Variants in SLC24A5 observed in about 807,000 individuals in gnomAD.
SLC24A5 encodes the protein solute carrier family 24 member 5.
Under a neutral mutation model 51.6 loss-of-function variants are expected in SLC24A5, and 46 were observed. The observed-to-expected ratio is 0.89, with a 90% CI of 0.70 to 1.14. The LOEUF is 1.14. SLC24A5 is among the 50% of genes most tolerant of loss of function. SLC24A5 has a pLI of 0.00. For missense variants in SLC24A5, 581 were observed against 604.1 expected, an observed-to-expected ratio of 0.96 and a Z score of 0.40; for synonymous variants, 230 against 214.9, an observed-to-expected ratio of 1.07 and a Z score of -0.62.
intron 6 of SLC24A5, 95 bp from the exon 7 acceptor site, chr15:48,138,874 C>T: frequency 1.1e-6 from 1 of 897,540 alleles, no homozygotes; most frequent in Non-Finnish European, 1.7e-6. Flanking sequence ...AAAACTGATA[C>T]AGCTAATTTA....
At chr15:48,126,090 T>C (rs1354892204) in intron 2 of SLC24A5, among the ~76,000 whole-genome samples, 5 of 152,166 alleles carry the variant, frequency 3.3e-5, no homozygotes, top group Non-Finnish European at 5.9e-5. Flanking sequence ...CTCTTTCTCT[T>C]TTGGACCTAT....
intron 4 of SLC24A5, 81 bp from the exon 5 acceptor site, chr15:48,134,803 A>G: frequency 9.0e-7 from 1 of 1,108,766 alleles, no homozygotes; most frequent in South Asian, 1.5e-5. Context: ...CTACAAATAT[A>G]TAAACAATTT....
chr15:48,132,593 C>A (rs907371946), intron 2 of SLC24A5, among the ~76,000 whole-genome samples: 1 of 152,066 alleles, frequency 6.6e-6, no homozygotes, highest in Non-Finnish European at 1.5e-5. Context: ...ATTACTTTCA[C>A]GGTTTTGGGT....
intron 7 of SLC24A5, chr15:48,140,836 G>A (rs534327604): frequency 1.5e-5 from 5 of 325,288 alleles, no homozygotes; most frequent in Non-Finnish European, 2.9e-5. Context: ...AACATCTTTT[G>A]TAAGAATATC....
At chr15:48,133,650 T>G (rs776803275) in intron 2 of SLC24A5, among the ~76,000 whole-genome samples, 1 of 152,104 alleles carries the variant, frequency 6.6e-6, no homozygotes. Context: ...AAACTGCAAA[T>G]TTTTTTAGAA....
intron 2 of SLC24A5, among the ~76,000 whole-genome samples, chr15:48,127,716 G>C (rs1013616597): frequency 6.6e-6 from 1 of 152,088 alleles, no homozygotes; most frequent in Non-Finnish European, 1.5e-5. Context: ...CCAGCTCCTC[G>C]GGAGGCTGAG....
In SLC24A5 at chr15:48,142,389, G is replaced by A. The variant is rs768018981; in HGVS notation, c.*38G>A. 55 of 1,321,156 alleles carry A rather than the reference G, an allele frequency of 4.2e-5. No individual in the cohort carries two copies. Among genetic ancestry groups the A allele is most frequent in the Non-Finnish European group, 4.7e-5 (46 of 975,474 alleles). 81.8% of individuals were successfully genotyped at this position (1,321,156 alleles called of 1,614,324 possible). On this transcript the variant is annotated 3_prime_UTR_variant, in exon 9 of 9. Transcript: ENST00000341459. ...TGTTATGCAGAAAATATGAATGGCAGGGAGGGGCAGAGAGAAAAATCCATT... is the reference window on the plus strand; with the variant it reads ...TGTTATGCAGAAAATATGAATGGCAAGGAGGGGCAGAGAGAAAAATCCATT...
Position 48,134,232 on chromosome 15 carries a change from A to C in SLC24A5, c.302-26A>C, listed in dbSNP as rs377561856. On this transcript the variant is annotated intron_variant, in intron 2 of 8. Transcript: ENST00000341459. ...GACATACTCTTTCACTTTATTAGGC[A>C]TAACAATCATTTCATTTATGTTCAG... 1.3e-5 allele frequency: 20 copies of C among 1,596,186 alleles called. No homozygotes were observed. In the African/African-American group the frequency reaches 2.2e-4, roughly 17 times the overall value.
At position 48,142,114 on chromosome 15, in the gene SLC24A5, T is replaced by G; in HGVS notation, c.1266T>G (p.Thr422=). 1 of 1,613,894 alleles carries G rather than the reference T, an allele frequency of 6.2e-7. No individual in the cohort carries two copies. Among genetic ancestry groups the G allele is most frequent in the Non-Finnish European group, 8.5e-7 (1 of 1,179,882 alleles). Reference sequence around the variant, plus strand: ...TTGGTATTCCATGGTTTATTAAAACTGCATTTATAAATGGATCAGCTCCTG... The same window carrying G: ...TTGGTATTCCATGGTTTATTAAAACGGCATTTATAAATGGATCAGCTCCTG... ...LCLGIPWFIK[T]AFINGSAPAE... The change falls in exon 9 of 9, where the codon ACT becomes ACG. Residue 422 remains threonine (T), a synonymous_variant. Transcript: ENST00000341459.
Position 48,142,193 on chromosome 15 carries a change from A to C in SLC24A5, c.1345A>C (p.Ile449Leu), listed in dbSNP as rs755509768. Residue 449 changes from isoleucine to leucine, a missense_variant, in exon 9 of 9, where the codon ATT (isoleucine) becomes CTT (leucine). Physicochemically the swap from Ile to Leu is conservative, Grantham distance 5. Transcript: ENST00000341459. ...CATAACCATCTCTCTCAACATTTCA[A>C]TTATTTTTCTTTTTTTAGCAGTTCA... Reference protein sequence around the residue: ...TYITISLNISIIFLFLAVHFN... With the variant: ...TYITISLNISLIFLFLAVHFN... The C allele has an allele frequency of 2.5e-6, 4 of 1,613,748 alleles. No homozygotes were observed. In the African/African-American group the frequency reaches 4.0e-5, roughly 16 times the overall value.
rs1284035222 is a variant in SLC24A5, at chr15:48,142,282, T to C, written c.1434T>C (p.Leu478=). The C allele has an allele frequency of 1.2e-6, 2 of 1,613,686 alleles. No homozygotes were observed. Among genetic ancestry groups the C allele is most frequent in the African/African-American group, 2.7e-5 (2 of 75,030 alleles). ...GIVCLLSYLG[L]ATLSVLYELG... ...TCTGCCTATTATCATACTTGGGGCTTGCTACATTATCAGTTCTATATGAAC... is the reference window on the plus strand; with the variant it reads ...TCTGCCTATTATCATACTTGGGGCTCGCTACATTATCAGTTCTATATGAAC... Residue 478 remains leucine (L), a synonymous_variant, in exon 9 of 9, where the codon CTT becomes CTC. Transcript: ENST00000341459.
At chr15:48,124,353 A>T (rs1174784373) in intron 2 of SLC24A5, 7 of 151,124 alleles carry the variant, frequency 4.6e-5, no homozygotes, top group African/African-American at 1.2e-4. Context: ...TCTTATATAG[A>T]TGTAGATCTG....
At chr15:48,132,646 G>C (rs2038802637) in intron 2 of SLC24A5, among the ~76,000 whole-genome samples, 1 of 152,074 alleles carries the variant, frequency 6.6e-6, no homozygotes, top group South Asian at 2.1e-4. Flanking sequence ...AGGGTCTCTT[G>C]TGCAGCTATG....
intron 2 of SLC24A5, among the ~76,000 whole-genome samples, chr15:48,125,820 C>A (rs895496012): frequency 1.3e-5 from 2 of 152,218 alleles, no homozygotes; most frequent in Middle Eastern, 3.4e-3. Flanking sequence ...ATAGATGAGG[C>A]TATAATGTCT....
In SLC24A5 at chr15:48,134,432, T is replaced by C. The variant is rs2038846533; in HGVS notation, c.386-3T>C. On this transcript the variant is annotated splice_region_variant and splice_polypyrimidine_tract_variant and intron_variant, in intron 3 of 8. Coordinates refer to ENST00000341459, the MANE Select transcript of SLC24A5 (RefSeq NM_205850.3). Reference sequence around the variant, plus strand: ...AACTTAGCTGGTACTATCTTGCACATAGGTGTATTTATCACAAAGGGAGAT... The same window carrying C: ...AACTTAGCTGGTACTATCTTGCACACAGGTGTATTTATCACAAAGGGAGAT... 1.9e-6 allele frequency: 3 copies of C among 1,611,622 alleles called. No individual in the cohort carries two copies.
chr15:48,134,431 A>T lies in SLC24A5; in HGVS notation c.386-4A>T. Reference sequence around the variant, plus strand: ...TAACTTAGCTGGTACTATCTTGCACATAGGTGTATTTATCACAAAGGGAGA... The same window carrying T: ...TAACTTAGCTGGTACTATCTTGCACTTAGGTGTATTTATCACAAAGGGAGA... On this transcript the variant is annotated splice_region_variant and splice_polypyrimidine_tract_variant and intron_variant, in intron 3 of 8. Coordinates refer to ENST00000341459, the MANE Select transcript of SLC24A5 (RefSeq NM_205850.3). 6.2e-7 allele frequency: 1 copy of T among 1,611,966 alleles called. No homozygotes were observed.
chr15:48,138,819 G>C, intron 6 of SLC24A5, 150 bp from the exon 7 acceptor site: 1 of 602,300 alleles, frequency 1.7e-6, no homozygotes, highest in Non-Finnish European at 3.0e-6. Context: ...CTTTTCACCA[G>C]CAATATCAGT....
chr15:48,136,744 A>G lies in SLC24A5; in HGVS notation c.652A>G (p.Ile218Val), dbSNP rs745550383. ...GTATGTTTTGGTGCTGTGTTTTGAC[A>G]TTAAAATTAACCAATATATTATAAA... ...GLYVLVLCFDIKINQYIIKKC... is the reference protein window; with the variant it reads ...GLYVLVLCFDVKINQYIIKKC... The change falls in exon 6 of 9, where the codon ATT becomes GTT. Residue 218 changes from isoleucine (I) to valine (V), a missense_variant. By Grantham distance (29) the Ile-to-Val change is conservative. Coordinates refer to ENST00000341459, the MANE Select transcript of SLC24A5 (RefSeq NM_205850.3). 3 of 1,613,546 alleles carry G rather than the reference A, an allele frequency of 1.9e-6. No homozygotes were observed. The highest frequency in any genetic ancestry group is 2.5e-6 in the Non-Finnish European group (3 of 1,179,756).
At chr15:48,136,306 T>G (rs1385197735) in intron 5 of SLC24A5, 1 of 159,066 alleles carries the variant, frequency 6.3e-6, no homozygotes, top group Non-Finnish European at 1.4e-5. Flanking sequence ...TGTTGGGGAA[T>G]GTATTATGCC....
Sources: allele counts gnomAD v4.1 joint callset (sites outside exome capture counted in the v4.1 genomes callset), GRCh38; gene constraint gnomAD v4.1.1; transcripts MANE v1.5; gene names NCBI Gene and HGNC (gene_info 2026-07-23, HGNC 2026-07-21).